Variants in FGF13 observed in about 807,000 individuals in gnomAD.
FGF13 encodes the protein fibroblast growth factor 13.
FGF13 carries 2 observed loss-of-function variants against 19.5 expected under a neutral mutation model. The observed-to-expected ratio is 0.10, with a 90% confidence interval of 0.04 to 0.32. The LOEUF is 0.32. Ranked by LOEUF, FGF13 falls within the 10% of genes least tolerant of loss-of-function variation. The pLI is 1.00. For missense variants in FGF13, 113 were observed against 192.7 expected, an observed-to-expected ratio of 0.59 and a Z score of 2.45; for synonymous variants, 72 against 76.9, an observed-to-expected ratio of 0.94 and a Z score of 0.33.
At chrX:139,203,801 A>G (rs1187061572), upstream of FGF13, among the ~76,000 whole-genome samples, 2 of 112,007 alleles carry the variant, frequency 1.8e-5, no homozygotes, top group Non-Finnish European at 3.8e-5. Flanking sequence ...CAGCGCCACC[A>G]CCGTGCGTCC....
At chrX:139,091,378 G>A (rs1438593180) in intron 1 of FGF13, among the ~76,000 whole-genome samples, 1 of 111,424 alleles carries the variant, frequency 9.0e-6, no homozygotes, top group Non-Finnish European at 1.9e-5. Flanking sequence ...TATTAATTTG[G>A]AGCAATGCAG....
chrX:138,999,335 C>T (rs2092061080), intron 1 of FGF13, among the ~76,000 whole-genome samples: 2 of 111,428 alleles, frequency 1.8e-5, no homozygotes, highest in Admixed American at 1.9e-4. Context: ...TACCTAAGAT[C>T]AGAGCAGAAC....
rs747985153 is a variant in FGF13, at chrX:138,910,259, AG to A, written c.-112-45610del. ...GTGCCCAATACCCTCCGTCATGATC[AG>A]GTTGGTCATTTTTGATCACAAAGAG... On this transcript the variant is annotated intron_variant, in intron 1 of 2. Transcript: ENST00000421460. 1.3e-4 allele frequency among the ~76,000 whole-genome samples: 15 copies of A among 111,304 alleles called. No homozygotes were observed. In the Admixed American group the frequency reaches 1.4e-3, roughly 11 times the overall value.
At chrX:138,821,412 C>T (rs1005711917) in intron 3 of FGF13, among the ~76,000 whole-genome samples, 5 of 111,566 alleles carry the variant, frequency 4.5e-5, no homozygotes, top group African/African-American at 9.8e-5. Flanking sequence ...ATGCCTGGAA[C>T]GACTTGGGCA....
intron 3 of FGF13, among the ~76,000 whole-genome samples, chrX:138,747,310 G>A (rs2090363457): frequency 9.0e-6 from 1 of 111,256 alleles, no homozygotes; most frequent in Non-Finnish European, 1.9e-5. Flanking sequence ...CACAGCAATC[G>A]CTTTTTTCAT....
At chrX:138,924,202 A>G (rs902050301) in intron 1 of FGF13, among the ~76,000 whole-genome samples, 10 of 112,000 alleles carry the variant, frequency 8.9e-5, no homozygotes, top group Non-Finnish European at 1.7e-4. Context: ...CCAAGGGGGT[A>G]TGTTCACTTC....
intron 1 of FGF13, among the ~76,000 whole-genome samples, chrX:138,935,024 T>G (rs2091724482): frequency 9.0e-6 from 1 of 111,466 alleles, no homozygotes; most frequent in Non-Finnish European, 1.9e-5. Flanking sequence ...CCCAAAGATT[T>G]CAGGAGGAGG....
intron 3 of FGF13, among the ~76,000 whole-genome samples, chrX:138,787,289 G>T (rs931623137): frequency 8.9e-6 from 1 of 112,622 alleles, no homozygotes; most frequent in African/African-American, 3.2e-5. Context: ...CAGAGAAAGA[G>T]TGCTGCTCCC....
At chrX:138,676,651 C>A (rs1475046958) in intron 3 of FGF13, among the ~76,000 whole-genome samples, 1 of 111,303 alleles carries the variant, frequency 9.0e-6, no homozygotes, top group Non-Finnish European at 1.9e-5. Flanking sequence ...ATGAAACTAT[C>A]CCACCTCATA....
intron 1 of FGF13, among the ~76,000 whole-genome samples, chrX:139,111,697 C>G (rs2083603184): frequency 1.8e-5 from 2 of 111,825 alleles, no homozygotes; most frequent in African/African-American, 6.5e-5. Context: ...GCTGCTGCTT[C>G]TCATAAACGG....
At chrX:138,805,939 A>C (rs1213591831) in intron 3 of FGF13, among the ~76,000 whole-genome samples, 3 of 111,766 alleles carry the variant, frequency 2.7e-5, no homozygotes, top group African/African-American at 9.7e-5. Flanking sequence ...TGATTAAAAA[A>C]GTCTACAACC....
chrX:139,074,975 C>G (rs1171059518), intron 1 of FGF13, among the ~76,000 whole-genome samples: 1 of 74,467 alleles, frequency 1.3e-5, no homozygotes, highest in African/African-American at 4.4e-5. Context: ...GAATGTGAAG[C>G]TCCATCAGTG....
chrX:139,078,351 C>T (rs985296993), intron 1 of FGF13, among the ~76,000 whole-genome samples: 1 of 110,743 alleles, frequency 9.0e-6, no homozygotes, highest in Non-Finnish European at 1.9e-5. Context: ...AGAGATGGTC[C>T]AGCCATTTAT....
intron 3 of FGF13, among the ~76,000 whole-genome samples, chrX:138,846,355 T>C (rs940066929): frequency 9.0e-6 from 1 of 110,791 alleles, no homozygotes; most frequent in Non-Finnish European, 1.9e-5. Context: ...CTGGTGGAGC[T>C]CAACTGAGAC....
intron 1 of FGF13, among the ~76,000 whole-genome samples, chrX:138,917,485 C>A (rs2091623456): frequency 8.9e-6 from 1 of 111,882 alleles, no homozygotes; most frequent in African/African-American, 3.3e-5. Flanking sequence ...AGATAAATGC[C>A]TATTCTTTAA....
At chrX:138,935,357 G>C (rs759045415) in intron 1 of FGF13, among the ~76,000 whole-genome samples, 2 of 112,005 alleles carry the variant, frequency 1.8e-5, no homozygotes, top group Non-Finnish European at 3.8e-5. Flanking sequence ...CTGGAGAGCG[G>C]ACTGTGATCA....
intron 3 of FGF13, among the ~76,000 whole-genome samples, chrX:138,649,424 A>T (rs749943722): frequency 8.9e-6 from 1 of 111,934 alleles, no homozygotes; most frequent in Admixed American, 9.5e-5. Context: ...TTCCAACTAA[A>T]ATAAACACAG....
At chrX:138,775,386 A>G (rs897693915) in intron 3 of FGF13, among the ~76,000 whole-genome samples, 9 of 112,298 alleles carry the variant, frequency 8.0e-5, no homozygotes, top group African/African-American at 2.9e-4. Flanking sequence ...ATAGTTCTTG[A>G]TTTCTTAATG....
chrX:138,679,372 C>G (rs1375248209), intron 3 of FGF13, among the ~76,000 whole-genome samples: 1 of 111,375 alleles, frequency 9.0e-6, no homozygotes, highest in Non-Finnish European at 1.9e-5. Flanking sequence ...AGCCACCACA[C>G]CCAGCCCCAT....
Sources: gnomAD v4.1 joint callset for allele counts (sites outside exome capture counted in the v4.1 genomes callset) on GRCh38, gnomAD v4.1.1 for gene constraint, MANE v1.5 for transcripts, NCBI Gene and HGNC (gene_info 2026-07-23, HGNC 2026-07-21) for gene names.